DNMT3A: variants seen among roughly 807,000 people sequenced by gnomAD.
DNMT3A encodes the protein DNA methyltransferase 3 alpha, also known as DNA (cytosine-5)-methyltransferase 3A.
In DNMT3A, 267 loss-of-function variants were observed where a neutral mutation model predicts 117.6. The observed-to-expected ratio is 2.27, with a 90% confidence interval of 2.05 to 2.51. The LOEUF (loss-of-function observed/expected upper bound fraction) is 2.51, where lower values mean the gene tolerates loss of function less well. Among genes scored for constraint, DNMT3A ranks in the 30% most tolerant of loss-of-function variants. DNMT3A has a pLI of 0.00. For missense variants in DNMT3A, 1,029 were observed against 1,260.2 expected (o/e 0.82, Z 2.78); for synonymous variants, 432 against 474.8 (o/e 0.91, Z 1.17).
At position 25,300,680 on chromosome 2, in the gene DNMT3A, TTTAG is replaced by T. The variant is rs1301367326; in HGVS notation, c.73-441_73-438del. 1.8e-3 allele frequency among the ~76,000 whole-genome samples: 134 copies of T among 73,136 alleles called. 6 individuals are homozygous for T. The highest frequency in any genetic ancestry group is 3.1e-3 in the Non-Finnish European group (116 of 37,974). 48.0% of individuals were successfully genotyped at this position (73,136 alleles called of 152,430 possible). On this transcript the variant is annotated intron_variant, in intron 2 of 22. Transcript: ENST00000321117. ...AAATAATATATTATTTAGATATATA[TTTAG>T]ATATATATTTATATATCTAAATAAT... is the stretch of plus-strand genomic sequence containing the variant.
chr2:25,245,965 C>T (rs1674697269), intron 12 of DNMT3A, 55 bp downstream of exon 12: 3 of 1,611,082 alleles, frequency 1.9e-6, no homozygotes, highest in Admixed American at 1.7e-5. Flanking sequence ...AGTGCCTCTG[C>T]TACTCTGCCC....
Position 25,247,215 on chromosome 2 carries a change from C to T in DNMT3A, c.1015-57G>A. 3 of 1,556,562 alleles carry T rather than the reference C, an allele frequency of 1.9e-6. No homozygotes were observed. In the East Asian group the frequency reaches 6.9e-5, roughly 36 times the overall value. On this transcript the variant is annotated intron_variant, in intron 8 of 22. Transcript: ENST00000321117. The surrounding 1 kb of genome is among the most constrained non-coding windows in gnomAD (Gnocchi z 5.6). ...GGCTTACACTTGCAAGCACCCACCC[C>T]ATGCCTTGCAACTGGCAGGGGCTGG...
At position 25,245,326 on chromosome 2, in the gene DNMT3A, C is replaced by G. The variant is rs1240736156; in HGVS notation, c.1481G>C (p.Cys494Ser). 1.2e-6 allele frequency: 2 copies of G among 1,613,660 alleles called. No homozygotes were observed. Among genetic ancestry groups the G allele is most frequent in the African/African-American group, 1.3e-5 (1 of 74,920 alleles). ...RQKCRNIEDI[C>S]ISCGSLNVTL... ...AACATTGAGGCTCCCACAGGAGATGCAGATGTCTGGAAAGCAGAGGGAGGG... is the reference window on the plus strand; with the variant it reads ...AACATTGAGGCTCCCACAGGAGATGGAGATGTCTGGAAAGCAGAGGGAGGG... The change falls in exon 13 of 23, where the codon TGC (cysteine) becomes TCC (serine). Residue 494 changes from cysteine to serine, a missense_variant. Coordinates refer to ENST00000321117, the MANE Select transcript of DNMT3A (RefSeq NM_022552.5).
At position 25,252,145 on chromosome 2, in the gene DNMT3A, T is replaced by C; in HGVS notation, c.640-3893A>G. ...GCTGCGGAGATCCTCCCACCGGCCC[T>C]GCCGCCTCCCCGCCCCCGGTCTCCC... On this transcript the variant is annotated intron_variant, in intron 6 of 22. Transcript: ENST00000321117. The surrounding 1 kb of genome is among the most constrained non-coding windows in gnomAD (Gnocchi z 5.5). 1.3e-6 allele frequency: 2 copies of C among 1,546,636 alleles called. No individual in the cohort carries two copies. Among genetic ancestry groups the C allele is most frequent in the Admixed American group, 2.0e-5 (1 of 51,098 alleles).
At chr2:25,299,656 C>T (rs1008410625) in intron 3 of DNMT3A, among the ~76,000 whole-genome samples, 30 of 152,162 alleles carry the variant, frequency 2.0e-4, no homozygotes, top group African/African-American at 6.3e-4. Flanking sequence ...TGTGGCCGGG[C>T]GCGGTGGCTC....
chr2:25,341,119 G>A (rs2149457712), intron 1 of DNMT3A, among the ~76,000 whole-genome samples: 1 of 145,058 alleles, frequency 6.9e-6, no homozygotes, highest in South Asian at 2.1e-4. Context: ...ATCGCGGCGC[G>A]GCGCTCCCCG....
Position 25,247,187 on chromosome 2 carries a change from C to A in DNMT3A, c.1015-29G>T, listed in dbSNP as rs764042001. The stretch of plus-strand genomic sequence containing the variant: ...GGGGGACAAGCCAGGCCTTGTTTGC[C>A]GAGGCTTACACTTGCAAGCACCCAC... On this transcript the variant is annotated intron_variant, in intron 8 of 22. Transcript: ENST00000321117. This position sits in a 1 kb window ranked among gnomAD's most constrained non-coding sequence, Gnocchi z 5.6. The A allele has an allele frequency of 1.1e-5, 17 of 1,608,180 alleles. No homozygotes were observed. Among genetic ancestry groups the A allele is most frequent in the Non-Finnish European group, 1.4e-5 (17 of 1,176,820 alleles).
chr2:25,242,224 T>A (rs1337986105), intron 16 of DNMT3A, among the ~76,000 whole-genome samples: 1 of 151,968 alleles, frequency 6.6e-6, no homozygotes, highest in Non-Finnish European at 1.5e-5. Context: ...TCAGAGCAGT[T>A]TCCATTCCTC....
In DNMT3A at chr2:25,311,415, G is replaced by A. The variant is rs980546157; in HGVS notation, c.72+2498C>T. Reference sequence around the variant, plus strand: ...CCCTGGGCGGCTCCCTGGAGGTGCTGGAGCCAGCCCAGAGGTGCCGGGGAA... The same window carrying A: ...CCCTGGGCGGCTCCCTGGAGGTGCTAGAGCCAGCCCAGAGGTGCCGGGGAA... On this transcript the variant is annotated intron_variant, in intron 2 of 22. Coordinates refer to ENST00000321117, the MANE Select transcript of DNMT3A (RefSeq NM_022552.5). This position sits in a 1 kb window ranked among gnomAD's most constrained non-coding sequence, Gnocchi z 5.2. 2.6e-5 allele frequency among the ~76,000 whole-genome samples: 4 copies of A among 152,212 alleles called. No homozygotes were observed. Among genetic ancestry groups the A allele is most frequent in the Non-Finnish European group, 5.9e-5 (4 of 68,026 alleles).
intron 13 of DNMT3A, 47 bp from the exon 14 acceptor site, chr2:25,244,699 G>C: frequency 6.5e-7 from 1 of 1,546,434 alleles, no homozygotes; most frequent in East Asian, 2.2e-5. Flanking sequence ...CGGGTCCCAG[G>C]ACGGCCAGGA....
chr2:25,257,655 C>T lies in DNMT3A; in HGVS notation c.640-9403G>A, dbSNP rs1302035016. 6.6e-6 allele frequency among the ~76,000 whole-genome samples: 1 copy of T among 152,124 alleles called. No individual in the cohort carries two copies. The highest frequency in any genetic ancestry group is 1.5e-5 in the Non-Finnish European group (1 of 68,024). ...AGAACTTCCTTTCTTTTCACGAGGG[C>T]CTTGCTAATCACCTCGCCAGGAGAA... On this transcript the variant is annotated intron_variant, in intron 6 of 22. Transcript: ENST00000321117. The surrounding 1 kb of genome is among the most constrained non-coding windows in gnomAD (Gnocchi z 4.8).
intron 2 of DNMT3A, among the ~76,000 whole-genome samples, chr2:25,302,259 G>C (rs2149409939): frequency 1.3e-5 from 2 of 152,230 alleles, no homozygotes; most frequent in African/African-American, 4.8e-5. Flanking sequence ...GGAAGGGGAG[G>C]GCTGCCAACA....
At chr2:25,288,459 C>T (rs2032493170) in intron 3 of DNMT3A, among the ~76,000 whole-genome samples, 1 of 151,484 alleles carries the variant, frequency 6.6e-6, no homozygotes, top group Non-Finnish European at 1.5e-5. Context: ...TCTCAGCTGA[C>T]TGCCACCATG....
At chr2:25,291,197 T>A (rs1202122843) in intron 3 of DNMT3A, among the ~76,000 whole-genome samples, 5 of 152,224 alleles carry the variant, frequency 3.3e-5, no homozygotes, top group African/African-American at 4.8e-5. Context: ...TGCAGGCCCA[T>A]CACCCCTCAA....
At chr2:25,266,556 G>A (rs761750942) in intron 6 of DNMT3A, among the ~76,000 whole-genome samples, 13 of 152,146 alleles carry the variant, frequency 8.5e-5, no homozygotes, top group African/African-American at 1.4e-4. Context: ...CACAGCATGG[G>A]GGACCTTCTG....
chr2:25,263,721 T>C (rs1676795768), intron 6 of DNMT3A, among the ~76,000 whole-genome samples: 1 of 152,158 alleles, frequency 6.6e-6, no homozygotes, highest in Non-Finnish European at 1.5e-5. Flanking sequence ...GGGAAAAACT[T>C]TGAGGCACTC....
chr2:25,313,817 G>T, intron 2 of DNMT3A, 96 bp downstream of exon 2: 2 of 1,507,908 alleles, frequency 1.3e-6, no homozygotes, highest in Non-Finnish European at 9.0e-7. Context: ...GAGTGATGCG[G>T]TCATGCACTC....
intron 1 of DNMT3A, 44 bp from the exon 2 acceptor site, chr2:25,314,205 C>T: frequency 5.0e-6 from 7 of 1,400,926 alleles, no homozygotes; most frequent in Non-Finnish European, 6.5e-6. Context: ...GCACCCCACC[C>T]TCCCTGGGTC....
chr2:25,246,936 G>T, intron 9 of DNMT3A, 115 bp downstream of exon 9: 2 of 1,460,270 alleles, frequency 1.4e-6, no homozygotes, highest in Non-Finnish European at 1.9e-6. Flanking sequence ...GAGGTGGAGA[G>T]AAAGGAGTCG....
Sources: allele counts gnomAD v4.1 joint callset (sites outside exome capture counted in the v4.1 genomes callset), GRCh38; gene constraint gnomAD v4.1.1; non-coding constraint Gnocchi (gnomAD v3.1); transcripts MANE v1.5; gene names NCBI Gene and HGNC (gene_info 2026-07-23, HGNC 2026-07-21).